KLHL14: variants seen among roughly 807,000 people sequenced by gnomAD.
KLHL14 encodes the protein kelch-like protein 14.
In KLHL14, 22 loss-of-function variants were observed where a neutral mutation model predicts 64.3. That is an observed-to-expected ratio of 0.34 (90% CI 0.24 to 0.49). KLHL14 has a LOEUF of 0.49. KLHL14 is among the 20% of genes least tolerant of loss of function. KLHL14 has a pLI of 0.99. For synonymous variants in KLHL14, 322 were observed against 333.4 expected (o/e 0.97, Z 0.37); for missense variants, 661 against 789.0 (o/e 0.84, Z 1.94).
chr18:32,741,771 T>C (rs1403753), intron 3 of KLHL14, among the ~76,000 whole-genome samples, 157 bp downstream of exon 3: 97,285 of 151,634 alleles, frequency 0.64, 31,822 homozygotes, highest in East Asian at 0.95. Flanking sequence ...TTAATTTAGT[T>C]TTTTACTCTA....
chr18:32,754,828 A>G (rs1245010770), intron 2 of KLHL14, among the ~76,000 whole-genome samples: 1 of 152,222 alleles, frequency 6.6e-6, no homozygotes, highest in African/African-American at 2.4e-5. Context: ...ATAAGTGTCC[A>G]TTTTCAAGAA....
intron 3 of KLHL14, chr18:32,738,177 A>G (rs2050176034): frequency 1.3e-5 from 2 of 152,176 alleles, no homozygotes; most frequent in South Asian, 4.1e-4. Context: ...TATGGGGAGA[A>G]ATAAAAGGGG....
At chr18:32,760,253 T>TA (rs960744895) in intron 2 of KLHL14, among the ~76,000 whole-genome samples, 11 of 151,862 alleles carry the variant, frequency 7.2e-5, no homozygotes, top group Non-Finnish European at 1.0e-4. Flanking sequence ...CTTTATCTGA[T>TA]AAAAAAACAC....
At chr18:32,730,234 C>T (rs1568076529) in intron 3 of KLHL14, among the ~76,000 whole-genome samples, 1 of 152,190 alleles carries the variant, frequency 6.6e-6, no homozygotes, top group Non-Finnish European at 1.5e-5. Flanking sequence ...ACGTTTTGAT[C>T]CCTTAACTCT....
At chr18:32,678,679 G>A (rs2049823158) in intron 7 of KLHL14, among the ~76,000 whole-genome samples, 1 of 152,158 alleles carries the variant, frequency 6.6e-6, no homozygotes, top group African/African-American at 2.4e-5. Flanking sequence ...ATCAAGGCAA[G>A]GATAATTATC....
At chr18:32,768,870 A>C (rs1376405785) in intron 2 of KLHL14, among the ~76,000 whole-genome samples, 1 of 152,184 alleles carries the variant, frequency 6.6e-6, no homozygotes, top group Admixed American at 6.5e-5. Flanking sequence ...ACACAGACCA[A>C]CTGGAGCTAG....
intron 7 of KLHL14, among the ~76,000 whole-genome samples, chr18:32,677,946 A>T (rs775061067): frequency 9.9e-5 from 15 of 152,222 alleles, no homozygotes; most frequent in Non-Finnish European, 1.9e-4. Flanking sequence ...GTTTTAATAG[A>T]TTAAAAATAT....
intron 2 of KLHL14, among the ~76,000 whole-genome samples, chr18:32,769,060 A>G (rs144606997): frequency 6.6e-6 from 1 of 152,364 alleles, no homozygotes; most frequent in African/African-American, 2.4e-5. Context: ...AGCATTTCCA[A>G]TAGTGACCCT....
chr18:32,686,177 ATTTTTTT>A (rs148393455), intron 5 of KLHL14, among the ~76,000 whole-genome samples: 84 of 107,650 alleles, frequency 7.8e-4, no homozygotes, highest in East Asian at 2.7e-3. Flanking sequence ...GTGCCCGGCT[ATTTTTTT>A]TTTTTTTTTT....
At chr18:32,689,386 A>G (rs1403331030) in intron 4 of KLHL14, among the ~76,000 whole-genome samples, 1 of 152,154 alleles carries the variant, frequency 6.6e-6, no homozygotes, top group Non-Finnish European at 1.5e-5. Context: ...AAGGTGTGGT[A>G]TTTTGGAAGC....
intron 2 of KLHL14, among the ~76,000 whole-genome samples, chr18:32,758,633 A>T (rs1163094674): frequency 1.3e-5 from 2 of 152,208 alleles, no homozygotes; most frequent in East Asian, 3.9e-4. Flanking sequence ...CCATACAAAA[A>T]ACTTGTATAG....
Position 32,682,283 on chromosome 18 carries a change from T to A in KLHL14, c.1239-1684A>T, listed in dbSNP as rs539956210. ...TTTAGAGCAATATTTTAGTTATGTT[T>A]GCTTTTTCTAGATTTTCTTGATATA... On this transcript the variant is annotated intron_variant, in intron 5 of 8. Coordinates refer to ENST00000359358, the MANE Select transcript of KLHL14 (RefSeq NM_020805.3). Among the ~76,000 whole-genome samples the A allele has an allele frequency of 5.3e-5, 8 of 152,362 alleles. No homozygotes were observed. The South Asian group carries it at 1.7e-3, about 32-fold the overall frequency.
intron 7 of KLHL14, among the ~76,000 whole-genome samples, chr18:32,679,381 G>A (rs906199271): frequency 1.8e-4 from 27 of 152,060 alleles, no homozygotes; most frequent in African/African-American, 6.0e-4. Context: ...CAATTTCAGC[G>A]ATCATAGACT....
intron 4 of KLHL14, among the ~76,000 whole-genome samples, chr18:32,694,552 T>C (rs2049927839): frequency 6.6e-6 from 1 of 152,236 alleles, no homozygotes; most frequent in Admixed American, 6.5e-5. Flanking sequence ...AGAAATGTTC[T>C]TGAAGGGTGG....
chr18:32,692,356 C>A (rs1249784989), intron 4 of KLHL14, among the ~76,000 whole-genome samples: 1 of 152,102 alleles, frequency 6.6e-6, no homozygotes, highest in African/African-American at 2.4e-5. Context: ...TAATGTTTAA[C>A]TTAAGAAGAT....
chr18:32,731,417 T>TAA (rs1482939751), intron 3 of KLHL14, among the ~76,000 whole-genome samples: 1 of 152,078 alleles, frequency 6.6e-6, no homozygotes. Flanking sequence ...TTCTCTCTTA[T>TAA]AAGTGGGAGC....
chr18:32,711,048 G>T (rs2050016813), intron 3 of KLHL14, among the ~76,000 whole-genome samples: 1 of 152,066 alleles, frequency 6.6e-6, no homozygotes, highest in Admixed American at 6.6e-5. Context: ...AGCAAATAGG[G>T]CCCCTCCTTA....
At chr18:32,710,798 G>T (rs1245924641) in intron 3 of KLHL14, among the ~76,000 whole-genome samples, 1 of 152,168 alleles carries the variant, frequency 6.6e-6, no homozygotes, top group Non-Finnish European at 1.5e-5. Flanking sequence ...GAGGGGTTCA[G>T]GGAGGTCCCA....
intron 3 of KLHL14, among the ~76,000 whole-genome samples, chr18:32,726,797 A>G (rs1439664616): frequency 6.6e-6 from 1 of 152,162 alleles, no homozygotes; most frequent in African/African-American, 2.4e-5. Flanking sequence ...AAGACCTCAG[A>G]TGGGGCTGCC....
Sources: gnomAD v4.1 joint callset for allele counts (sites outside exome capture counted in the v4.1 genomes callset) on GRCh38, gnomAD v4.1.1 for gene constraint, MANE v1.5 for transcripts, NCBI Gene and HGNC (gene_info 2026-07-23, HGNC 2026-07-21) for gene names.